The following PREX1 variants were observed in gnomAD, a reference collection of about 807,000 sequenced individuals.
The protein encoded by PREX1 is phosphatidylinositol-3,4,5-trisphosphate dependent Rac exchange factor 1.
PREX1 carries 41 observed loss-of-function variants against 198.3 expected under a neutral mutation model. The observed-to-expected ratio is 0.21, with a 90% CI of 0.16 to 0.27. PREX1 has a LOEUF of 0.27. PREX1 is among the 10% of genes least tolerant of loss of function. The probability of loss-of-function intolerance (pLI) is 1.00; values close to 1 mark genes in which losing one functional copy is unlikely to be tolerated. For missense variants in PREX1, 1,620 were observed against 2,200.7 expected (o/e 0.74, Z 5.28); for synonymous variants, 843 against 887.2 (o/e 0.95, Z 0.89).
intron 3 of PREX1, among the ~76,000 whole-genome samples, chr20:48,737,374 A>C (rs1311066994): frequency 6.6e-6 from 1 of 152,042 alleles, no homozygotes; most frequent in Non-Finnish European, 1.5e-5. Context: ...TCATTCATGC[A>C]CTGTCCTTCT....
intron 7 of PREX1, among the ~76,000 whole-genome samples, chr20:48,698,299 C>A (rs1479610428): frequency 6.6e-6 from 1 of 152,160 alleles, no homozygotes; most frequent in Non-Finnish European, 1.5e-5. Flanking sequence ...AGAGCCTGCA[C>A]CCGGAAGCCA....
rs117493206 is a variant in PREX1 at position 48,673,357 on chromosome 20, C to A, written c.1665+2836G>T. On this transcript the variant is annotated intron_variant, in intron 14 of 39. Coordinates refer to ENST00000371941, the MANE Select transcript of PREX1 (RefSeq NM_020820.4). The stretch of plus-strand genomic sequence containing the variant: ...CAGCCATTCCCACAGCAGTGCAACC[C>A]GTCTCTTCTATCTCCAAATACCTCT... Among the ~76,000 whole-genome samples the A allele has an allele frequency of 2.9e-3, 442 of 152,336 alleles. 10 individuals are homozygous for A. In the East Asian group the frequency reaches 0.06, roughly 21 times the overall value.
intron 14 of PREX1, among the ~76,000 whole-genome samples, chr20:48,670,221 C>T (rs1211598753): frequency 6.6e-6 from 1 of 152,122 alleles, no homozygotes; most frequent in African/African-American, 2.4e-5. Flanking sequence ...TTTCCTGTTC[C>T]CATTTCTCCT....
intron 1 of PREX1, among the ~76,000 whole-genome samples, chr20:48,792,113 A>G (rs1490470431): frequency 6.6e-6 from 1 of 152,160 alleles, no homozygotes; most frequent in African/African-American, 2.4e-5. Flanking sequence ...CAAGCACTCA[A>G]TAAATGTTAA....
At chr20:48,832,406 G>A (rs923913828), upstream of PREX1, among the ~76,000 whole-genome samples, 2 of 152,176 alleles carry the variant, frequency 1.3e-5, no homozygotes, top group African/African-American at 4.8e-5. Context: ...TTAAGTTAAA[G>A]CAAGGAAAAA....
At chr20:48,681,689 T>TGGATGGATGGATGGAC (rs1860866155) in intron 10 of PREX1, among the ~76,000 whole-genome samples, 3 of 151,482 alleles carry the variant, frequency 2.0e-5, no homozygotes, top group Non-Finnish European at 4.4e-5. Context: ...GATGGATGGA[T>TGGATGGATGGATGGAC]GGATGGATGG....
At chr20:48,796,734 A>G (rs1187461688) in intron 1 of PREX1, among the ~76,000 whole-genome samples, 1 of 150,398 alleles carries the variant, frequency 6.6e-6, no homozygotes, top group Non-Finnish European at 1.5e-5. Context: ...AAATAGTTTT[A>G]TATATGTATA....
intron 1 of PREX1, among the ~76,000 whole-genome samples, chr20:48,801,333 C>G (rs1230303508): frequency 6.6e-6 from 1 of 152,180 alleles, no homozygotes; most frequent in Admixed American, 6.5e-5. Context: ...GAGAAGCTGG[C>G]CAGTCGGGCT....
At chr20:48,777,123 G>A (rs959955296) in intron 1 of PREX1, among the ~76,000 whole-genome samples, 5 of 152,162 alleles carry the variant, frequency 3.3e-5, no homozygotes, top group East Asian at 1.9e-4. Context: ...TATGAGCAAC[G>A]GGGAAGTGAG....
rs144253016 is a variant in PREX1, at chr20:48,729,450, C to T, written c.520-3059G>A. 3.7e-3 allele frequency among the ~76,000 whole-genome samples: 570 copies of T among 152,170 alleles called. 7 individuals are homozygous for T. The highest frequency in any genetic ancestry group is 0.012 in the African/African-American group (502 of 41,520). ...TTTATCTCTCTAGCCCCTAAACTCC[C>T]GACTAGAGTCTCTGCTGCCCCCCCA... On this transcript the variant is annotated intron_variant, in intron 4 of 39. Transcript: ENST00000371941.
At chr20:48,804,713 T>C (rs1489149278) in intron 1 of PREX1, among the ~76,000 whole-genome samples, 1 of 152,114 alleles carries the variant, frequency 6.6e-6, no homozygotes, top group African/African-American at 2.4e-5. Context: ...CAGGAGACCA[T>C]GGTGGCTGAG....
At chr20:48,775,890 C>A (rs2090258928) in intron 1 of PREX1, among the ~76,000 whole-genome samples, 1 of 152,124 alleles carries the variant, frequency 6.6e-6, no homozygotes, top group Non-Finnish European at 1.5e-5. Flanking sequence ...ATGTCTTTAT[C>A]AGCAGTATGA....
At chr20:48,727,799 T>A (rs2090016567) in intron 4 of PREX1, among the ~76,000 whole-genome samples, 1 of 152,140 alleles carries the variant, frequency 6.6e-6, no homozygotes, top group Non-Finnish European at 1.5e-5. Context: ...TCCCAGGACT[T>A]CTTCCTCCTA....
intron 7 of PREX1, among the ~76,000 whole-genome samples, chr20:48,696,266 T>C (rs2089845235): frequency 6.6e-6 from 1 of 152,230 alleles, no homozygotes; most frequent in Non-Finnish European, 1.5e-5. Flanking sequence ...CTGAAGTTGA[T>C]TTTTGTGTTT....
the PREX1 span, among the ~76,000 whole-genome samples, chr20:48,879,623 A>T: frequency 6.6e-6 from 1 of 152,176 alleles, no homozygotes; most frequent in Admixed American, 6.5e-5. Context: ...ACATCTGTCA[A>T]CTCGTCAATA....
chr20:48,680,811 C>G (rs1405063264), intron 11 of PREX1, among the ~76,000 whole-genome samples: 1 of 152,180 alleles, frequency 6.6e-6, no homozygotes, highest in Non-Finnish European at 1.5e-5. Flanking sequence ...GTTTTACTAT[C>G]TTGCTTTGTA....
chr20:48,788,052 A>G (rs1427819345), intron 1 of PREX1, among the ~76,000 whole-genome samples: 1 of 152,230 alleles, frequency 6.6e-6, no homozygotes, highest in Non-Finnish European at 1.5e-5. Flanking sequence ...AGCCACATCC[A>G]GCCCTAGAGC....
chr20:48,850,733 G>C, the PREX1 span, among the ~76,000 whole-genome samples: 1 of 152,176 alleles, frequency 6.6e-6, no homozygotes, highest in African/African-American at 2.4e-5. Flanking sequence ...CAAGAGCCCG[G>C]CATTTTGATC....
the PREX1 span, among the ~76,000 whole-genome samples, chr20:48,845,716 AAAAAG>A: frequency 6.6e-6 from 1 of 151,930 alleles, no homozygotes; most frequent in Non-Finnish European, 1.5e-5. Flanking sequence ...AAAAAAAAAA[AAAAAG>A]AGCTTTCTAG....
Sources: allele counts gnomAD v4.1 joint callset (sites outside exome capture counted in the v4.1 genomes callset), GRCh38; gene constraint gnomAD v4.1.1; transcripts MANE v1.5; gene names NCBI Gene and HGNC (gene_info 2026-07-23, HGNC 2026-07-21).